Variants in DYM observed in about 807,000 individuals in gnomAD.
The protein encoded by DYM is dyggve-Melchior-Clausen syndrome protein.
DYM carries 78 observed loss-of-function variants against 93.1 expected under a neutral mutation model. The ratio of observed to expected loss-of-function variants is 0.84; its 90% confidence interval spans 0.70 to 1.01. The LOEUF (loss-of-function observed/expected upper bound fraction) is 1.01, where lower values mean the gene tolerates loss of function less well. Among genes scored for constraint, DYM ranks in the 50% least tolerant of loss-of-function variants. The probability of loss-of-function intolerance (pLI) is 0.00; values close to 1 mark genes in which losing one functional copy is unlikely to be tolerated. For synonymous variants in DYM, 321 were observed against 319.7 expected (o/e 1.00, Z -0.04); for missense variants, 789 against 845.0 (o/e 0.93, Z 0.82).
At chr18:49,437,886 G>C (rs1004794445) in intron 1 of DYM, among the ~76,000 whole-genome samples, 10 of 152,120 alleles carry the variant, frequency 6.6e-5, no homozygotes, top group African/African-American at 2.4e-4. Flanking sequence ...TATTTTCAAA[G>C]AGGCTAGGAT....
At chr18:49,434,425 C>T (rs764511044) in intron 1 of DYM, among the ~76,000 whole-genome samples, 3 of 151,678 alleles carry the variant, frequency 2.0e-5, no homozygotes, top group Non-Finnish European at 4.4e-5. Context: ...GAGGCTGAGA[C>T]AGGAGAATCA....
intron 15 of DYM, among the ~76,000 whole-genome samples, chr18:49,128,860 CAA>C (rs1414735115): frequency 2.0e-5 from 3 of 152,030 alleles, no homozygotes; most frequent in Non-Finnish European, 4.4e-5. Context: ...TAAAAATGCA[CAA>C]AGTTAAGTTT....
intron 8 of DYM, among the ~76,000 whole-genome samples, chr18:49,295,628 C>T (rs2060482876): frequency 6.6e-6 from 1 of 152,130 alleles, no homozygotes; most frequent in African/African-American, 2.4e-5. Context: ...CTAGTTTAGA[C>T]TTCCATGTGA....
rs8089127 is a variant in DYM at position 49,430,658 on chromosome 18, G to A, written c.-53-211C>T. 0.58 allele frequency among the ~76,000 whole-genome samples: 87,782 copies of A among 151,888 alleles called. 25,892 individuals are homozygous for A. The highest frequency in any genetic ancestry group is 0.64 in the Non-Finnish European group (43,642 of 67,942). On this transcript the variant is annotated intron_variant, in intron 1 of 17. Transcript: ENST00000675505. ...TCCCAACACTTTGGGAGGCTGAGGC[G>A]GGCAGATCATGAGGTCAAGAGATTG...
At chr18:49,157,361 A>T (rs559809429) in intron 15 of DYM, among the ~76,000 whole-genome samples, 2 of 152,252 alleles carry the variant, frequency 1.3e-5, no homozygotes, top group East Asian at 3.9e-4. Flanking sequence ...TCTCCCACAC[A>T]TAGGCAGCAT....
At chr18:49,386,561 A>G (rs1194232454) in intron 3 of DYM, among the ~76,000 whole-genome samples, 3 of 152,152 alleles carry the variant, frequency 2.0e-5, no homozygotes, top group African/African-American at 7.2e-5. Context: ...TTTGGAAAAT[A>G]CCCTACTAAT....
intron 8 of DYM, among the ~76,000 whole-genome samples, chr18:49,290,112 A>C (rs1178651952): frequency 6.6e-6 from 1 of 151,954 alleles, no homozygotes; most frequent in East Asian, 1.9e-4. Flanking sequence ...GGCACACAAA[A>C]GAGCATGTAT....
intron 15 of DYM, among the ~76,000 whole-genome samples, chr18:49,130,140 T>C (rs994721813): frequency 1.3e-5 from 2 of 152,126 alleles, no homozygotes; most frequent in African/African-American, 4.8e-5. Context: ...CTCTCCAGGA[T>C]TGAGGCTGGA....
chr18:49,431,991 A>G (rs1359766302), intron 1 of DYM: 1 of 152,262 alleles, frequency 6.6e-6, no homozygotes, highest in African/African-American at 2.4e-5. Flanking sequence ...TTCAGCTTCA[A>G]TTAAGCCTCT....
intron 13 of DYM, among the ~76,000 whole-genome samples, chr18:49,246,497 C>T (rs759812926): frequency 2.6e-5 from 4 of 152,154 alleles, no homozygotes; most frequent in African/African-American, 7.2e-5. Context: ...AGAGAGAAAG[C>T]GTGCCTCTTT....
chr18:49,102,676 T>G (rs2080297925), intron 16 of DYM, among the ~76,000 whole-genome samples: 1 of 152,194 alleles, frequency 6.6e-6, no homozygotes, highest in Non-Finnish European at 1.5e-5. Flanking sequence ...TTGGTTTTTT[T>G]GTCCTTGCGA....
chr18:49,256,237 G>C (rs757489229), intron 13 of DYM, among the ~76,000 whole-genome samples: 23 of 152,140 alleles, frequency 1.5e-4, no homozygotes, highest in Non-Finnish European at 3.1e-4. Context: ...GCGACCTTGT[G>C]ATTATGATTC....
chr18:49,413,745 C>G (rs1206185127), intron 2 of DYM, among the ~76,000 whole-genome samples: 2 of 152,190 alleles, frequency 1.3e-5, no homozygotes, highest in Non-Finnish European at 2.9e-5. Context: ...CACAGTGGCT[C>G]AAGCCTATAA....
chr18:49,147,077 C>G (rs1003650131), intron 15 of DYM, among the ~76,000 whole-genome samples: 17 of 151,920 alleles, frequency 1.1e-4, no homozygotes, highest in Admixed American at 5.9e-4. Flanking sequence ...ACAAACCTGA[C>G]AAAAACAAGA....
intron 14 of DYM, among the ~76,000 whole-genome samples, chr18:49,204,509 T>G (rs939139600): frequency 6.6e-6 from 1 of 152,234 alleles, no homozygotes; most frequent in South Asian, 2.1e-4. Flanking sequence ...AGGTACTTTC[T>G]TACTTCACAG....
chr18:49,316,349 A>G (rs2061939317), intron 8 of DYM, among the ~76,000 whole-genome samples: 1 of 152,212 alleles, frequency 6.6e-6, no homozygotes, highest in African/African-American at 2.4e-5. Flanking sequence ...CAAAAATCAA[A>G]AAGAAAGGGA....
At chr18:49,187,177 C>T (rs961209434) in intron 14 of DYM, among the ~76,000 whole-genome samples, 5 of 152,138 alleles carry the variant, frequency 3.3e-5, no homozygotes, top group Non-Finnish European at 7.4e-5. Flanking sequence ...CTCGGCCTCC[C>T]AAAGTGCTGG....
At chr18:49,380,450 G>C (rs1006668197) in intron 3 of DYM, among the ~76,000 whole-genome samples, 2 of 152,144 alleles carry the variant, frequency 1.3e-5, no homozygotes, top group African/African-American at 4.8e-5. Context: ...GAACAACATA[G>C]AGTAGGTGCT....
At chr18:49,056,312 ACT>A (rs1455142419) in intron 17 of DYM, among the ~76,000 whole-genome samples, 1 of 152,056 alleles carries the variant, frequency 6.6e-6, no homozygotes, top group Non-Finnish European at 1.5e-5. Context: ...AATACTTGAA[ACT>A]CTGTTTTCCA....
Sources: gnomAD v4.1 joint callset for allele counts (sites outside exome capture counted in the v4.1 genomes callset) on GRCh38, gnomAD v4.1.1 for gene constraint, MANE v1.5 for transcripts, NCBI Gene and HGNC (gene_info 2026-07-23, HGNC 2026-07-21) for gene names.